Variants in MADD observed in about 807,000 individuals in gnomAD.
The protein encoded by MADD is MAP kinase-activating death domain protein.
A neutral mutation model predicts 176.7 loss-of-function variants in MADD; 109 were observed. The ratio of observed to expected loss-of-function variants is 0.62; its 90% CI spans 0.53 to 0.72. The LOEUF (loss-of-function observed/expected upper bound fraction) is 0.72. Ranked by LOEUF, MADD falls within the 30% of genes least tolerant of loss-of-function variation. MADD has a pLI of 0.00. For missense variants in MADD, 1,914 were observed against 2,045.5 expected, an observed-to-expected ratio of 0.94 and a Z score of 1.24; for synonymous variants, 771 against 771.3, an observed-to-expected ratio of 1.00 and a Z score of 0.01.
intron 5 of MADD, among the ~76,000 whole-genome samples, chr11:47,277,348 A>G (rs2136554383): frequency 6.6e-6 from 1 of 152,322 alleles, no homozygotes; most frequent in East Asian, 1.9e-4. Flanking sequence ...GCTGGAGTAC[A>G]GTGGCACAAT....
chr11:47,307,365 G>A (rs906562889), intron 22 of MADD, among the ~76,000 whole-genome samples: 3 of 152,162 alleles, frequency 2.0e-5, no homozygotes, highest in Non-Finnish European at 4.4e-5. Flanking sequence ...GGACAAATTC[G>A]TATTTGTTCT....
At chr11:47,275,752 C>G (rs942464270) in intron 3 of MADD, 147 bp from the exon 4 acceptor site, 1 of 737,322 alleles carries the variant, frequency 1.4e-6, no homozygotes, top group Non-Finnish European at 2.2e-6. Context: ...ATATACTTTC[C>G]GGTCCTATCT....
At chr11:47,275,857 T>C (rs771444463) in intron 3 of MADD, 42 bp from the exon 4 acceptor site, 3 of 1,556,934 alleles carry the variant, frequency 1.9e-6, no homozygotes, top group Non-Finnish European at 2.6e-6. Context: ...GGGTATCAGC[T>C]TCTGATGCTA....
At chr11:47,290,556 G>A in intron 18 of MADD, 54 bp from the exon 20 acceptor site, 1 of 1,548,588 alleles carries the variant, frequency 6.5e-7, no homozygotes, top group South Asian at 1.2e-5. Context: ...CCTCATATCT[G>A]CGCCTTGATT....
chr11:47,288,405 C>A (rs562555414), intron 15 of MADD, among the ~76,000 whole-genome samples: 2 of 152,174 alleles, frequency 1.3e-5, no homozygotes, highest in African/African-American at 4.8e-5. Flanking sequence ...GTGAAAGGAG[C>A]GAACTAGCAC....
At chr11:47,289,651 C>T (rs1156299076) in intron 16 of MADD, among the ~76,000 whole-genome samples, 158 bp downstream of exon 17, 1 of 152,188 alleles carries the variant, frequency 6.6e-6, no homozygotes, top group South Asian at 2.1e-4. Context: ...GATCTCCATG[C>T]AACTGAAAGC....
intron 18 of MADD, 50 bp from the exon 20 acceptor site, chr11:47,290,560 C>T (rs1403456200): frequency 3.8e-6 from 6 of 1,565,638 alleles, no homozygotes; most frequent in African/African-American, 1.4e-5. Flanking sequence ...ATATCTGCGC[C>T]TTGATTCCTA....
intron 22 of MADD, among the ~76,000 whole-genome samples, chr11:47,298,436 A>G (rs2074898959): frequency 6.6e-6 from 1 of 152,242 alleles, no homozygotes; most frequent in Non-Finnish European, 1.5e-5. Context: ...AGGCCTGTGT[A>G]GAGGCCCATT....
At chr11:47,293,972 T>A in exon 20 of MADD, 1 of 1,613,878 alleles carries the variant, frequency 6.2e-7, no homozygotes, top group African/African-American at 1.3e-5. Flanking sequence ...GAGCCTGACG[T>A]CTAGTTCCCA....
chr11:47,272,251 A>T (rs889141439), intron 1 of MADD: 1 of 152,184 alleles, frequency 6.6e-6, no homozygotes, highest in Non-Finnish European at 1.5e-5. Flanking sequence ...CGCTATAGAG[A>T]TAAAACTGAA....
exon 3 of MADD, chr11:47,274,766 C>G: frequency 6.2e-7 from 1 of 1,614,216 alleles, no homozygotes; most frequent in Non-Finnish European, 8.5e-7. Context: ...ACTGGAGTCA[C>G]GCGATATGGC....
chr11:47,269,650 C>T (rs1014763547), upstream of MADD: 6 of 151,120 alleles, frequency 4.0e-5, no homozygotes, highest in Non-Finnish European at 7.4e-5. Context: ...TGGAGGTAAC[C>T]GCGGCCGCGC....
exon 11 of MADD, chr11:47,284,244 T>C (rs1356080900): frequency 1.2e-6 from 2 of 1,614,088 alleles, no homozygotes. Context: ...ACTTTGTCAG[T>C]GAAATGATGA....
chr11:47,276,411 C>A (rs1295830514), intron 4 of MADD, among the ~76,000 whole-genome samples: 1 of 152,174 alleles, frequency 6.6e-6, no homozygotes, highest in Non-Finnish European at 1.5e-5. Context: ...AGAGGGTTTA[C>A]CATTCATTAG....
At chr11:47,274,479 T>A (rs2048004209) in intron 2 of MADD, 84 bp from the exon 3 acceptor site, 1 of 1,119,342 alleles carries the variant, frequency 8.9e-7, no homozygotes, top group African/African-American at 1.6e-5. Flanking sequence ...AATAGCATCT[T>A]GAGCTTTATT....
At chr11:47,280,959 C>A (rs148405558) in intron 7 of MADD, among the ~76,000 whole-genome samples, 274 of 152,346 alleles carry the variant, frequency 1.8e-3, no homozygotes, top group Middle Eastern at 6.8e-3. Flanking sequence ...GGTTTGTGAA[C>A]CAGCAACATT....
At chr11:47,327,935 C>T in intron 31 of MADD, 3 of 985,366 alleles carry the variant, frequency 3.0e-6, no homozygotes, top group Non-Finnish European at 3.6e-6. Flanking sequence ...GGGACTCTCA[C>T]TCTTGCCTTC....
intron 26 of MADD, among the ~76,000 whole-genome samples, 172 bp from the exon 30 acceptor site, chr11:47,315,048 T>C (rs1335260356): frequency 6.6e-6 from 1 of 152,190 alleles, no homozygotes; most frequent in African/African-American, 2.4e-5. Context: ...TTAAGAGATA[T>C]AGGGCCTCTG....
chr11:47,274,649 C>G, exon 3 of MADD: 1 of 1,614,234 alleles, frequency 6.2e-7, no homozygotes, highest in Non-Finnish European at 8.5e-7. Flanking sequence ...CCCCTGCCCC[C>G]AGATGTAGTG....
Sources: gnomAD v4.1 joint callset for allele counts (sites outside exome capture counted in the v4.1 genomes callset) on GRCh38, gnomAD v4.1.1 for gene constraint, MANE v1.5 for transcripts, NCBI Gene and HGNC (gene_info 2026-07-23, HGNC 2026-07-21) for gene names.